The following OTC variants were observed in gnomAD, a reference collection of about 807,000 sequenced individuals.
OTC encodes ornithine transcarbamylase.
Under a neutral mutation model 30.3 loss-of-function variants are expected in OTC, and 3 were observed. The ratio of observed to expected loss-of-function variants is 0.10; its 90% CI spans 0.05 to 0.26. The LOEUF is 0.26. Ranked by LOEUF, OTC falls within the 10% of genes least tolerant of loss-of-function variation. OTC has a pLI of 1.00. For missense variants in OTC, 194 were observed against 260.3 expected (o/e 0.75, Z 1.75); for synonymous variants, 111 against 99.7 (o/e 1.11, Z -0.67).
Position 38,421,376 on chromosome X carries a change from A to C in OTC, c.*294A>C. ...TACTTCAACATAAAATACTGTGTTC[A>C]TAATGTATAATGTCTAAGCCATTAA... On this transcript the variant is annotated 3_prime_UTR_variant, in exon 10 of 10. Transcript: ENST00000039007. The C allele has an allele frequency of 3.6e-6, 1 of 277,262 alleles. No individual in the cohort carries two copies. The highest frequency in any genetic ancestry group is 6.5e-6 in the Non-Finnish European group (1 of 153,409). 22.8% of individuals were successfully genotyped at this position (277,262 alleles called of 1,213,427 possible).
chrX:38,410,712 A>G (rs1162170665), intron 8 of OTC, among the ~76,000 whole-genome samples: 1 of 112,193 alleles, frequency 8.9e-6, no homozygotes, highest in Admixed American at 9.5e-5. Context: ...AAATTGCTTC[A>G]TACTTACACT....
At chrX:38,338,035 A>T in the OTC span, among the ~76,000 whole-genome samples, 8 of 112,179 alleles carry the variant, frequency 7.1e-5, no homozygotes, top group African/African-American at 2.6e-4. Flanking sequence ...TTTGGCATTC[A>T]TGGGGTCTTC....
the OTC span, among the ~76,000 whole-genome samples, chrX:38,338,403 T>G: frequency 1.8e-5 from 2 of 112,403 alleles, no homozygotes; most frequent in Admixed American, 1.9e-4. Flanking sequence ...TTCAGTTTAC[T>G]GTCAGTCAAC....
intron 4 of OTC, among the ~76,000 whole-genome samples, chrX:38,398,197 T>G (rs2068466572): frequency 8.9e-6 from 1 of 112,142 alleles, no homozygotes; most frequent in Non-Finnish European, 1.9e-5. Context: ...GGTCGTTGAC[T>G]TCTCCAATTG....
the OTC span, among the ~76,000 whole-genome samples, chrX:38,344,812 T>C: frequency 9.0e-6 from 1 of 110,962 alleles, no homozygotes; most frequent in East Asian, 2.8e-4. Flanking sequence ...CATTTGCAAG[T>C]TACATATCCA....
Position 38,409,043 on chromosome X carries a change from T to C in OTC, c.867+18T>C, listed in dbSNP as rs1425360968. 8.3e-7 allele frequency: 1 copy of C among 1,205,581 alleles called. No homozygotes were observed. Among genetic ancestry groups the C allele is most frequent in the East Asian group, 3.0e-5 (1 of 33,785 alleles). On this transcript the variant is annotated intron_variant, in intron 8 of 9. Transcript: ENST00000039007. ...CAATGAAGGTACAAATTGATGCCTC[T>C]CTGAAGGTTCATTAATTCCATTCAT...
rs1387377929 is a variant in OTC at position 38,411,957 on chromosome X, A to G, written c.963A>G (p.Ser321=). ...ATGAAGTCTTTTATTCTCCTCGATC[A>G]CTAGTGTTCCCAGAGGCAGAAAACA... ...VDDEVFYSPR[S]LVFPEAENRK... is the part of the protein sequence containing the mutation. Residue 321 remains serine (S), a synonymous_variant, in exon 9 of 10, where the codon TCA becomes TCG. Coordinates refer to ENST00000039007, the MANE Select transcript of OTC (RefSeq NM_000531.6). 1.1e-5 allele frequency: 13 copies of G among 1,207,865 alleles called. No homozygotes were observed. Among genetic ancestry groups the G allele is most frequent in the Non-Finnish European group, 1.5e-5 (13 of 893,099 alleles).
intron 1 of OTC, among the ~76,000 whole-genome samples, chrX:38,359,194 C>A (rs1245840885): frequency 9.0e-6 from 1 of 111,512 alleles, no homozygotes; most frequent in Admixed American, 9.5e-5. Flanking sequence ...GCCCTTGACT[C>A]ATAGTGCTGT....
chrX:38,357,388 G>A (rs1229292978), intron 1 of OTC, among the ~76,000 whole-genome samples: 3 of 112,772 alleles, frequency 2.7e-5, no homozygotes, highest in Non-Finnish European at 3.7e-5. Flanking sequence ...AAGAAAATAT[G>A]CCTTAGCTCT....
intron 4 of OTC, among the ~76,000 whole-genome samples, chrX:38,397,912 G>C (rs1355274182): frequency 1.8e-5 from 2 of 111,768 alleles, no homozygotes; most frequent in East Asian, 5.6e-4. Context: ...TCAGGATTTT[G>C]TAAAAGCTCC....
chrX:38,340,115 T>C, the OTC span, among the ~76,000 whole-genome samples: 1 of 112,161 alleles, frequency 8.9e-6, no homozygotes, highest in Non-Finnish European at 1.9e-5. Context: ...TTGAAAATTG[T>C]GGTAAATTTC....
intron 4 of OTC, among the ~76,000 whole-genome samples, chrX:38,381,941 C>A (rs2068378979): frequency 8.9e-6 from 1 of 112,024 alleles, no homozygotes. Flanking sequence ...TCTCAAATGT[C>A]AATATGCTAA....
chrX:38,381,235 T>C (rs2068374554), intron 3 of OTC, 107 bp from the exon 4 acceptor site: 1 of 541,375 alleles, frequency 1.8e-6, no homozygotes, highest in African/African-American at 2.4e-5. Context: ...GTTGGAGAGC[T>C]TTAAAGATTT....
intron 4 of OTC, among the ~76,000 whole-genome samples, chrX:38,382,156 C>A (rs2068380013): frequency 9.0e-6 from 1 of 111,661 alleles, no homozygotes; most frequent in South Asian, 3.8e-4. Context: ...AGCAGGGAAG[C>A]AGTACAAACA....
chrX:38,380,588 A>G (rs6608762), intron 3 of OTC, among the ~76,000 whole-genome samples: 15,824 of 110,796 alleles, frequency 0.14, 1,301 homozygotes, highest in East Asian at 0.6. Flanking sequence ...TCAAAAAATA[A>G]ATAAATAAAA....
At chrX:38,393,245 A>G (rs775581460) in intron 4 of OTC, among the ~76,000 whole-genome samples, 1 of 112,829 alleles carries the variant, frequency 8.9e-6, no homozygotes, top group Non-Finnish European at 1.9e-5. Flanking sequence ...TTAAACATTT[A>G]ACTTAATCAC....
chrX:38,353,985 A>G (rs1279449069), intron 1 of OTC, among the ~76,000 whole-genome samples: 6 of 111,987 alleles, frequency 5.4e-5, no homozygotes, highest in Non-Finnish European at 3.8e-5. Flanking sequence ...AGTTTAAAGA[A>G]CTAGGTTCAA....
intron 1 of OTC, among the ~76,000 whole-genome samples, chrX:38,357,238 T>C (rs1158061276): frequency 8.9e-6 from 1 of 112,532 alleles, no homozygotes; most frequent in African/African-American, 3.2e-5. Context: ...AATTCAAATA[T>C]TTAAAGGCAC....
At chrX:38,407,862 A>G (rs1238422296) in intron 6 of OTC, among the ~76,000 whole-genome samples, 1 of 111,627 alleles carries the variant, frequency 9.0e-6, no homozygotes, top group Non-Finnish European at 1.9e-5. Flanking sequence ...TGTACAGAAT[A>G]GGTTGGAGAG....
Sources: gnomAD v4.1 joint callset for allele counts (sites outside exome capture counted in the v4.1 genomes callset) on GRCh38, gnomAD v4.1.1 for gene constraint, MANE v1.5 for transcripts, NCBI Gene and HGNC (gene_info 2026-07-23, HGNC 2026-07-21) for gene names.